Variants in SIX3 observed in about 807,000 individuals in gnomAD.
SIX3 encodes the protein homeobox protein SIX3.
In SIX3, 2 loss-of-function variants were observed where a neutral mutation model predicts 21.7. The ratio of observed to expected loss-of-function variants is 0.09; its 90% CI spans 0.04 to 0.29. SIX3 has a LOEUF of 0.29. Among genes scored for constraint, SIX3 ranks in the 10% least tolerant of loss-of-function variants. The probability of loss-of-function intolerance (pLI) is 1.00; values close to 1 mark genes in which losing one functional copy is unlikely to be tolerated. For synonymous variants in SIX3, 243 were observed against 220.6 expected (o/e 1.10, Z -0.90); for missense variants, 347 against 480.7 (o/e 0.72, Z 2.60).
In SIX3 at chr2:44,945,076, A is replaced by C; in HGVS notation, c.*316A>C. On this transcript the variant is annotated 3_prime_UTR_variant, in exon 2 of 2. Transcript: ENST00000260653. ...CGCTGATGTTGCGGGCAGAAAACAT[A>C]AAAGAGGTGACAATTGTATACTTTC... 2.2e-6 allele frequency: 1 copy of C among 461,154 alleles called. No homozygotes were observed. The highest frequency in any genetic ancestry group is 4.1e-5 in the East Asian group (1 of 24,662). The allele number at this position is 461,154 out of a possible 1,614,324, so 28.6% of individuals were successfully genotyped here.
At chr2:44,944,420 C>CGGGCTCG in intron 1 of SIX3, 148 bp from the exon 2 acceptor site, 1 of 900,118 alleles carries the variant, frequency 1.1e-6, no homozygotes, top group South Asian at 1.5e-5. Context: ...CCCAAGCGGC[C>CGGGCTCG]GGGCTCGGGT....
rs1365192717 is a variant in SIX3 at position 44,942,036 on chromosome 2, C to CT, written c.-69_-68insT. On this transcript the variant is annotated 5_prime_UTR_variant, in exon 1 of 2. The change abolishes the stop of an existing upstream ORF in the 5' untranslated region. Transcript: ENST00000260653. The surrounding 1 kb of genome is among the most constrained non-coding windows in gnomAD (Gnocchi z 8.4). ...TCTCCCTCCTCCTGGTCCTCATCGC[C>CT]CCTCTCCTCCTCTTCCTCCCCTCTC... 16 of 1,251,220 alleles carry CT rather than the reference C, an allele frequency of 1.3e-5. No individual in the cohort carries two copies. The highest frequency in any genetic ancestry group is 7.5e-5 in the African/African-American group (5 of 66,880). 77.5% of individuals were successfully genotyped at this position (1,251,220 alleles called of 1,614,324 possible). A position where few individuals can be genotyped will look rare whatever the true frequency, so the allele number is the denominator to read the frequency against.
intron 1 of SIX3, among the ~76,000 whole-genome samples, chr2:44,944,351 C>G (rs1666646545): frequency 6.6e-6 from 1 of 152,210 alleles, no homozygotes; most frequent in Admixed American, 6.5e-5. Flanking sequence ...GCGCCCGGCT[C>G]CTCTCCGACT....
Position 44,945,061 on chromosome 2 carries a change from G to T in SIX3, c.*301G>T, listed in dbSNP as rs547388202. On this transcript the variant is annotated 3_prime_UTR_variant, in exon 2 of 2. Coordinates refer to ENST00000260653, the MANE Select transcript of SIX3 (RefSeq NM_005413.4). ...CAACAGACAGTCAAACGCTGATGTT[G>T]CGGGCAGAAAACATAAAAGAGGTGA... is the stretch of plus-strand genomic sequence containing the variant. The T allele has an allele frequency of 5.8e-6, 3 of 514,272 alleles. No homozygotes were observed. The highest frequency in any genetic ancestry group is 1.1e-5 in the Non-Finnish European group (3 of 285,088). The allele number at this position is 514,272 out of a possible 1,614,324, so 31.9% of individuals were successfully genotyped here.
intron 1 of SIX3, among the ~76,000 whole-genome samples, chr2:44,943,732 G>GT (rs1279642649): frequency 6.6e-6 from 1 of 152,226 alleles, no homozygotes; most frequent in Non-Finnish European, 1.5e-5. Flanking sequence ...AAAAGAGGAA[G>GT]TTGGGTGAAA....
rs1257724161 is a variant in SIX3, at chr2:44,945,346, G to GAAAA, written c.*598_*601dup. On this transcript the variant is annotated 3_prime_UTR_variant, in exon 2 of 2. Coordinates refer to ENST00000260653, the MANE Select transcript of SIX3 (RefSeq NM_005413.4). ...AAAAAAAAAAAAAAAAGGACAGGGGGAAAAAAAAAAAAAAAGAACTCCTGG... is the reference window on the plus strand; with the variant it reads ...AAAAAAAAAAAAAAAAGGACAGGGGGAAAAAAAAAAAAAAAAAAAGAACTCCTGG... 9.1e-6 allele frequency: 1 copy of GAAAA among 109,874 alleles called. No homozygotes were observed. The highest frequency in any genetic ancestry group is 1.1e-4 in the Admixed American group (1 of 9,400). The allele number at this position is 109,874 out of a possible 1,614,324, so 6.8% of individuals were successfully genotyped here.
In SIX3 at chr2:44,944,672, C is replaced by T. The variant is rs1328765266; in HGVS notation, c.911C>T (p.Thr304Ile). ...AESPSTAASP[T>I]TSVSSLTERA... The stretch of plus-strand genomic sequence containing the variant: ...TCGCCGTCCACGGCGGCCAGCCCGA[C>T]CACCAGCGTGTCCAGCCTGACGGAG... Residue 304 changes from threonine to isoleucine, a missense_variant, in exon 2 of 2, where the codon ACC becomes ATC. Thr to Ile is a moderately conservative substitution (Grantham distance 89). Around this residue, in one of 4 missense-constraint regions of SIX3, gnomAD observed 110 missense variants for 93.3 expected, o/e 1.18. Transcript: ENST00000260653. The T allele has an allele frequency of 8.8e-6, 14 of 1,582,794 alleles. No individual in the cohort carries two copies. Among genetic ancestry groups the T allele is most frequent in the Non-Finnish European group, 1.7e-6 (2 of 1,172,328 alleles).
At position 44,944,828 on chromosome 2, in the gene SIX3, CTCCTCCTCT is replaced by C; in HGVS notation, c.*82_*90del. The C allele has an allele frequency of 2.9e-6, 4 of 1,395,648 alleles. No individual in the cohort carries two copies. The highest frequency in any genetic ancestry group is 3.0e-6 in the Non-Finnish European group (3 of 1,016,652). 86.5% of individuals were successfully genotyped at this position (1,395,648 alleles called of 1,614,324 possible). A position where few individuals can be genotyped will look rare whatever the true frequency, so the allele number is the denominator to read the frequency against. On this transcript the variant is annotated 3_prime_UTR_variant, in exon 2 of 2. Coordinates refer to ENST00000260653, the MANE Select transcript of SIX3 (RefSeq NM_005413.4). Reference sequence around the variant, plus strand: ...ACTCCTTCCCCTCCGCCTCCTAGCCCTCCTCCTCTTCCTCCTCTTCCTTCTCCTCCTCCA... The same window carrying C: ...ACTCCTTCCCCTCCGCCTCCTAGCCCTCCTCCTCTTCCTTCTCCTCCTCCA...
At chr2:44,943,140 C>T (rs1330864451) in intron 1 of SIX3, among the ~76,000 whole-genome samples, 2 of 152,140 alleles carry the variant, frequency 1.3e-5, no homozygotes, top group Non-Finnish European at 2.9e-5. Context: ...AGAGTGTGTG[C>T]TTGCGACCCG....
chr2:44,942,847 C>T lies in SIX3; in HGVS notation c.743C>T (p.Thr248Ile), dbSNP rs966396323. 9 of 1,599,350 alleles carry T rather than the reference C, an allele frequency of 5.6e-6. No individual in the cohort carries two copies. In the Admixed American group the frequency reaches 1.5e-4, roughly 27 times the overall value. ...GCGCAGGCCACCGGCCTCACTCCCA[C>T]ACAAGTAGGCAACTGGTTTAAGAAC... The part of the protein sequence containing the change: ...ELAQATGLTP[T>I]QVGNWFKNRR... The change falls in exon 1 of 2, where the codon ACA (threonine) becomes ATA (isoleucine). Residue 248 changes from threonine to isoleucine, a missense_variant. Around this residue, in one of 4 missense-constraint regions of SIX3, gnomAD observed 15 missense variants for 65.4 expected, o/e 0.23. Transcript: ENST00000260653. This position sits in a 1 kb window ranked among gnomAD's most constrained non-coding sequence, Gnocchi z 8.4.
chr2:44,942,764 G>A lies in SIX3; in HGVS notation c.660G>A (p.Leu220=), dbSNP rs748167307. The stretch of plus-strand genomic sequence containing the variant: ...GCTTCAAGGAGCGGACTCGGAGCCT[G>A]TTGCGGGAGTGGTACCTACAGGACC... ...THCFKERTRS[L]LREWYLQDPY... The change falls in exon 1 of 2, where the codon CTG becomes CTA. Residue 220 remains leucine (L), a synonymous_variant. Coordinates refer to ENST00000260653, the MANE Select transcript of SIX3 (RefSeq NM_005413.4). The surrounding 1 kb of genome is among the most constrained non-coding windows in gnomAD (Gnocchi z 8.4). 14 of 1,600,478 alleles carry A rather than the reference G, an allele frequency of 8.7e-6. No homozygotes were observed. Among genetic ancestry groups the A allele is most frequent in the South Asian group, 2.2e-5 (2 of 91,084 alleles).
chr2:44,942,908 C>CAGGT lies in SIX3; in HGVS notation c.805_806+2dup, dbSNP rs1201351296. 6.3e-7 allele frequency: 1 copy of CAGGT among 1,597,942 alleles called. No individual in the cohort carries two copies. Among genetic ancestry groups the CAGGT allele is most frequent in the Admixed American group, 1.7e-5 (1 of 59,924 alleles). ...GCGACCGCGCCGCGGCGGCCAAGAA[C>CAGGT]AGGTTAGTGGCGGGGCCCGCGGCCT... On this transcript the variant is annotated frameshift_variant and splice_region_variant, in exon 1 of 2. Transcript: ENST00000260653. LOFTEE classifies it high-confidence loss of function. This position sits in a 1 kb window ranked among gnomAD's most constrained non-coding sequence, Gnocchi z 8.4.
In SIX3 at chr2:44,944,619, C is replaced by A; in HGVS notation, c.858C>A (p.Pro286=). The A allele has an allele frequency of 6.3e-7, 1 of 1,574,918 alleles. No homozygotes were observed. Among genetic ancestry groups the A allele is most frequent in the East Asian group, 2.3e-5 (1 of 43,012 alleles). The change falls in exon 2 of 2, where the codon CCC becomes CCA. Residue 286 remains proline, a synonymous_variant. Coordinates refer to ENST00000260653, the MANE Select transcript of SIX3 (RefSeq NM_005413.4). ...GPSGMRSLAE[P]GCPTHGSAES... is the part of the protein sequence containing the mutation. ...GCGGCATGCGCTCGCTGGCCGAGCC[C>A]GGCTGCCCCACGCACGGCTCGGCAG...
Position 44,942,407 on chromosome 2 carries a change from G to C in SIX3, c.303G>C (p.Glu101Asp). 1 of 1,597,854 alleles carries C rather than the reference G, an allele frequency of 6.3e-7. No individual in the cohort carries two copies. The highest frequency in any genetic ancestry group is 8.5e-7 in the Non-Finnish European group (1 of 1,179,614). The part of the protein sequence containing the change: ...QVASVCETLE[E>D]TGDIERLGRF... Reference sequence around the variant, plus strand: ...CCAGCGTCTGTGAGACGCTGGAGGAGACGGGCGACATCGAGCGGCTGGGCC... The same window carrying C: ...CCAGCGTCTGTGAGACGCTGGAGGACACGGGCGACATCGAGCGGCTGGGCC... Residue 101 changes from glutamate (E) to aspartate (D), a missense_variant, in exon 1 of 2, where the codon GAG (glutamate) becomes GAC (aspartate). Around this residue, in one of 4 missense-constraint regions of SIX3, gnomAD observed 117 missense variants for 205.9 expected, o/e 0.57. Transcript: ENST00000260653. The surrounding 1 kb of genome is among the most constrained non-coding windows in gnomAD (Gnocchi z 8.4).
rs1357166419 is a variant in SIX3 at position 44,944,626 on chromosome 2, C to A, written c.865C>A (p.Pro289Thr). ...GMRSLAEPGC[P>T]THGSAESPST... is the part of the protein sequence containing the mutation. ...GCGCTCGCTGGCCGAGCCCGGCTGC[C>A]CCACGCACGGCTCGGCAGAGTCGCC... is the stretch of plus-strand genomic sequence containing the variant. The change falls in exon 2 of 2, where the codon CCC becomes ACC. Residue 289 changes from proline (P) to threonine (T), a missense_variant. By Grantham distance (38) the Pro-to-Thr change is conservative (BLOSUM62 -1). Coordinates refer to ENST00000260653, the MANE Select transcript of SIX3 (RefSeq NM_005413.4). The A allele has an allele frequency of 1.9e-6, 3 of 1,575,782 alleles. No individual in the cohort carries two copies. The highest frequency in any genetic ancestry group is 2.6e-6 in the Non-Finnish European group (3 of 1,168,198).
At chr2:44,943,464 C>T (rs1429575506) in intron 1 of SIX3, among the ~76,000 whole-genome samples, 2 of 152,206 alleles carry the variant, frequency 1.3e-5, no homozygotes, top group African/African-American at 2.4e-5. Flanking sequence ...GTGGAGAGGC[C>T]TAGCGTGTGC....
Position 44,944,582 on chromosome 2 carries a change from C to A in SIX3, c.821C>A (p.Ala274Asp). 2 of 1,578,286 alleles carry A rather than the reference C, an allele frequency of 1.3e-6. No homozygotes were observed. The highest frequency in any genetic ancestry group is 1.1e-5 in the South Asian group (1 of 88,556). ...AAAKNRLQHQ[A>D]IGPSGMRSLA... is the part of the protein sequence containing the mutation. ...TTCTCCCGCAGGCTCCAGCACCAGG[C>A]CATTGGACCGAGCGGCATGCGCTCG... The change falls in exon 2 of 2, where the codon GCC becomes GAC. Residue 274 changes from alanine (A) to aspartate (D), a missense_variant. Physicochemically the swap from Ala to Asp is moderately radical, Grantham distance 126. Transcript: ENST00000260653.
In SIX3 at chr2:44,942,005, C is replaced by G. The variant is rs1045233643; in HGVS notation, c.-100C>G. On this transcript the variant is annotated 5_prime_UTR_variant, in exon 1 of 2. Coordinates refer to ENST00000260653, the MANE Select transcript of SIX3 (RefSeq NM_005413.4). The surrounding 1 kb of genome is among the most constrained non-coding windows in gnomAD (Gnocchi z 8.4). ...CCTCCTTTCCTTCTCCTCCTCCCCC[C>G]TCTCCTCTCCCTCCTCCTGGTCCTC... is the stretch of plus-strand genomic sequence containing the variant. 1.2e-6 allele frequency: 1 copy of G among 853,728 alleles called. No homozygotes were observed. Among genetic ancestry groups the G allele is most frequent in the Non-Finnish European group, 1.9e-6 (1 of 525,668 alleles). 52.9% of individuals were successfully genotyped at this position (853,728 alleles called of 1,614,324 possible). A position where few individuals can be genotyped will look rare whatever the true frequency, so the allele number is the denominator to read the frequency against.
rs555285206 is a variant in SIX3 at position 44,942,290 on chromosome 2, AGGC to A, written c.205_207del (p.Gly69del). The A allele has an allele frequency of 1.9e-4, 287 of 1,547,844 alleles. No homozygotes were observed. The highest frequency in any genetic ancestry group is 7.0e-4 in the Middle Eastern group (4 of 5,704). On this transcript the variant is annotated inframe_deletion, in exon 1 of 2. Coordinates refer to ENST00000260653, the MANE Select transcript of SIX3 (RefSeq NM_005413.4). This position sits in a 1 kb window ranked among gnomAD's most constrained non-coding sequence, Gnocchi z 8.4. Reference sequence around the variant, plus strand: ...CGGGAGGCGGCGGTGCTGGCGGAGCAGGCGGCGGCGGCGGCGGCGGCTCCAGGG... The same window carrying A: ...CGGGAGGCGGCGGTGCTGGCGGAGCAGGCGGCGGCGGCGGCGGCTCCAGGG...
Sources: gnomAD v4.1 joint callset for allele counts (sites outside exome capture counted in the v4.1 genomes callset) on GRCh38, gnomAD v4.1.1 for gene constraint, gnomAD v4.1.1 regional missense constraint, Gnocchi (gnomAD v3.1) non-coding constraint, MANE v1.5 for transcripts, NCBI Gene and HGNC (gene_info 2026-07-23, HGNC 2026-07-21) for gene names.